Variants in NFYA observed in about 807,000 individuals in gnomAD.
The protein encoded by NFYA is nuclear transcription factor Y subunit alpha, also known as CAAT-box DNA binding protein subunit A.
Under a neutral mutation model 52.8 loss-of-function variants are expected in NFYA, and 28 were observed. The observed-to-expected ratio is 0.53, with a 90% CI of 0.39 to 0.73. NFYA has a LOEUF of 0.73. Ranked by LOEUF, NFYA falls within the 30% of genes least tolerant of loss-of-function variation. NFYA has a pLI of 0.00. For synonymous variants in NFYA, 150 were observed against 150.7 expected (o/e 1.00, Z 0.03); for missense variants, 234 against 427.0 (o/e 0.55, Z 3.98).
At chr6:41,082,211 G>A (rs1173951115) in intron 3 of NFYA, among the ~76,000 whole-genome samples, 1 of 152,142 alleles carries the variant, frequency 6.6e-6, no homozygotes, top group Non-Finnish European at 1.5e-5. Flanking sequence ...AATAGTGTTT[G>A]GTAATGATGT....
chr6:41,079,061 A>G lies in NFYA; in HGVS notation c.-29A>G. On this transcript the variant is annotated 5_prime_UTR_variant, in exon 2 of 10. Coordinates refer to ENST00000341376, the MANE Select transcript of NFYA (RefSeq NM_002505.5). ...CCTCACAGCCTTCTAGGATCTCCAG[A>G]GTGGACAGGAATCTCACTTGGAGGG... 6.2e-7 allele frequency: 1 copy of G among 1,608,638 alleles called. No individual in the cohort carries two copies. The highest frequency in any genetic ancestry group is 2.2e-5 in the East Asian group (1 of 44,842).
Position 41,100,766 on chromosome 6 carries a change from C to G in NFYA, c.*3356C>G, listed in dbSNP as rs994535616. On this transcript the variant is annotated 3_prime_UTR_variant, in exon 10 of 10. Coordinates refer to ENST00000341376, the MANE Select transcript of NFYA (RefSeq NM_002505.5). ...TTTATCGTAGGAGCGTCTTCGCCTCCCCCGTTTCCAGTAGAAAAGACAGCT... is the reference window on the plus strand; with the variant it reads ...TTTATCGTAGGAGCGTCTTCGCCTCGCCCGTTTCCAGTAGAAAAGACAGCT... 6.6e-6 allele frequency among the ~76,000 whole-genome samples: 1 copy of G among 152,170 alleles called. No homozygotes were observed. The highest frequency in any genetic ancestry group is 1.5e-5 in the Non-Finnish European group (1 of 68,032).
chr6:41,089,565 G>A lies in NFYA; in HGVS notation c.310-14G>A, dbSNP rs1390875487. The A allele has an allele frequency of 1.3e-6, 2 of 1,593,298 alleles. No homozygotes were observed. The highest frequency in any genetic ancestry group is 1.7e-6 in the Non-Finnish European group (2 of 1,172,034). On this transcript the variant is annotated splice_polypyrimidine_tract_variant and intron_variant, in intron 4 of 9. Transcript: ENST00000341376. Reference sequence around the variant, plus strand: ...CAGTAGAGTACAATCCTTTTTTTATGTTCTTTTCTGCAGATACAGTTGGTC... The same window carrying A: ...CAGTAGAGTACAATCCTTTTTTTATATTCTTTTCTGCAGATACAGTTGGTC...
intron 9 of NFYA, among the ~76,000 whole-genome samples, chr6:41,097,154 T>C (rs1764380977): frequency 6.6e-6 from 1 of 152,214 alleles, no homozygotes; most frequent in South Asian, 2.1e-4. Flanking sequence ...AGACTTTAAA[T>C]TATTTTAAGA....
intron 1 of NFYA, among the ~76,000 whole-genome samples, chr6:41,074,335 C>T (rs111292721): frequency 1.3e-5 from 2 of 152,120 alleles, no homozygotes; most frequent in Non-Finnish European, 2.9e-5. Context: ...AGGTATAATC[C>T]GTGTGTTAGG....
intron 4 of NFYA, among the ~76,000 whole-genome samples, chr6:41,085,444 A>C (rs1764019494): frequency 6.6e-6 from 1 of 152,220 alleles, no homozygotes; most frequent in Non-Finnish European, 1.5e-5. Flanking sequence ...TTTAGTGGAA[A>C]TAATTTGCAG....
At chr6:41,089,508 G>GAGAA in intron 4 of NFYA, 71 bp from the exon 5 acceptor site, 4 of 1,432,960 alleles carry the variant, frequency 2.8e-6, no homozygotes, top group Non-Finnish European at 3.7e-6. Flanking sequence ...GAGAAATGTG[G>GAGAA]ATAACTCTCG....
chr6:41,084,230 G>A (rs1289240350), intron 4 of NFYA, 38 bp downstream of exon 4: 1 of 1,597,284 alleles, frequency 6.3e-7, no homozygotes, highest in South Asian at 1.1e-5. Context: ...GTATATCAGA[G>A]GAGAGGTTTC....
At chr6:41,076,316 CTTTCA>C (rs1280215500) in intron 1 of NFYA, among the ~76,000 whole-genome samples, 5 of 152,154 alleles carry the variant, frequency 3.3e-5, no homozygotes, top group Admixed American at 6.5e-5. Context: ...TTTCATGAAA[CTTTCA>C]TTTCAGTTAC....
At position 41,097,678 on chromosome 6, in the gene NFYA, A is replaced by G. The variant is rs1764399548; in HGVS notation, c.*268A>G. 5.2e-6 allele frequency: 2 copies of G among 382,418 alleles called. No individual in the cohort carries two copies. The highest frequency in any genetic ancestry group is 5.0e-5 in the East Asian group (1 of 20,198). 23.7% of individuals were successfully genotyped at this position (382,418 alleles called of 1,614,324 possible). Reference sequence around the variant, plus strand: ...TCATGGATTCGGATGATGCAAGGAGACACATGCCACCCCAGCAGTACACAA... The same window carrying G: ...TCATGGATTCGGATGATGCAAGGAGGCACATGCCACCCCAGCAGTACACAA... On this transcript the variant is annotated 3_prime_UTR_variant, in exon 10 of 10. Coordinates refer to ENST00000341376, the MANE Select transcript of NFYA (RefSeq NM_002505.5).
chr6:41,084,179 A>G lies in NFYA; in HGVS notation c.296A>G (p.Gln99Arg). ...ATGCAAGTACCTGTTTCTGGAACAC[A>G]GGGTTTGCAGCAAGTGAGTAATATT... ...TIMQVPVSGT[Q>R]GLQQIQLVPP... Residue 99 changes from glutamine to arginine, a missense_variant, in exon 4 of 10, where the codon CAG (glutamine) becomes CGG (arginine). Gln to Arg is a conservative substitution (Grantham distance 43). Transcript: ENST00000341376. The G allele has an allele frequency of 1.2e-6, 2 of 1,613,952 alleles. No homozygotes were observed. The highest frequency in any genetic ancestry group is 2.7e-5 in the African/African-American group (2 of 75,054).
intron 8 of NFYA, 92 bp downstream of exon 8, chr6:41,093,177 C>T: frequency 8.8e-7 from 1 of 1,141,104 alleles, no homozygotes; most frequent in Non-Finnish European, 1.2e-6. Context: ...TCTCACGTAC[C>T]TTCCAAACAA....
chr6:41,094,844 T>C (rs1023214184), intron 9 of NFYA, among the ~76,000 whole-genome samples: 2 of 152,212 alleles, frequency 1.3e-5, no homozygotes, highest in Non-Finnish European at 2.9e-5. Flanking sequence ...AGGGTTGAGA[T>C]GCTCTTCGTC....
At chr6:41,078,178 G>A (rs1404701187) in intron 1 of NFYA, among the ~76,000 whole-genome samples, 2 of 152,080 alleles carry the variant, frequency 1.3e-5, no homozygotes. Flanking sequence ...GTAAATTTTA[G>A]ATATCAATAC....
chr6:41,090,422 C>CAAA, intron 6 of NFYA, 113 bp downstream of exon 6: 4 of 449,534 alleles, frequency 8.9e-6, no homozygotes, highest in Non-Finnish European at 1.6e-5. Flanking sequence ...ATTTTTTGGA[C>CAAA]AAAAAAAAAA....
chr6:41,094,584 T>A, intron 9 of NFYA, 87 bp downstream of exon 9: 1 of 966,010 alleles, frequency 1.0e-6, no homozygotes, highest in Non-Finnish European at 1.6e-6. Flanking sequence ...CTTGCTATTT[T>A]CCTACTCTGG....
chr6:41,082,558 T>G (rs962127589), intron 3 of NFYA, among the ~76,000 whole-genome samples: 1 of 152,204 alleles, frequency 6.6e-6, no homozygotes, highest in African/African-American at 2.4e-5. Flanking sequence ...GATAGAAAAT[T>G]ATTAATAGCT....
chr6:41,093,896 T>TG (rs1764271777), intron 8 of NFYA, among the ~76,000 whole-genome samples: 1 of 152,210 alleles, frequency 6.6e-6, no homozygotes, highest in Non-Finnish European at 1.5e-5. Flanking sequence ...TGGTGGCAAA[T>TG]GCCTGTAGTC....
At chr6:41,073,395 G>A (rs1763597081) in intron 1 of NFYA, among the ~76,000 whole-genome samples, 1 of 151,952 alleles carries the variant, frequency 6.6e-6, no homozygotes. Context: ...CTCAGGCCCA[G>A]GTTCTCAGGC....
Sources: allele counts gnomAD v4.1 joint callset (sites outside exome capture counted in the v4.1 genomes callset), GRCh38; gene constraint gnomAD v4.1.1; transcripts MANE v1.5; gene names NCBI Gene and HGNC (gene_info 2026-07-23, HGNC 2026-07-21).